The following SPTB variants were observed in gnomAD, a reference collection of about 807,000 sequenced individuals.
SPTB encodes spectrin beta chain, erythrocytic.
Under a neutral mutation model 256.2 loss-of-function variants are expected in SPTB, and 45 were observed. The observed-to-expected ratio is 0.18, with a 90% CI of 0.14 to 0.23. SPTB has a LOEUF of 0.23. SPTB is among the 10% of genes least tolerant of loss of function. The probability of loss-of-function intolerance (pLI) is 1.00; values close to 1 mark genes in which losing one functional copy is unlikely to be tolerated. For synonymous variants in SPTB, 1,231 were observed against 1,243.1 expected, an observed-to-expected ratio of 0.99 and a Z score of 0.21; for missense variants, 2,715 against 3,040.4, an observed-to-expected ratio of 0.89 and a Z score of 2.52.
At chr14:64,797,684 TTCAA>T (rs1182137203) in intron 10 of SPTB, 41 bp downstream of exon 10, 3 of 1,413,654 alleles carry the variant, frequency 2.1e-6, no homozygotes, top group African/African-American at 1.4e-5. Context: ...TTATCGGGAA[TTCAA>T]TCAATCTACT....
Position 64,784,286 on chromosome 14 carries a change from C to T in SPTB, c.3963G>A (p.Glu1321=), listed in dbSNP as rs1566755818. Residue 1321 remains glutamate, a synonymous_variant, in exon 19 of 36, where the codon GAG becomes GAA. Coordinates refer to ENST00000644917, the MANE Select transcript of SPTB (RefSeq NM_001355436.2). ...CTAGCCACCCTTCATGGGAAGCCAGCTCTGCCACAAACGCCTGGTGCTTTA... is the reference window on the plus strand; with the variant it reads ...CTAGCCACCCTTCATGGGAAGCCAGTTCTGCCACAAACGCCTGGTGCTTTA... ...KWLKHQAFVA[E]LASHEGWLEN... The T allele has an allele frequency of 1.2e-6, 2 of 1,614,120 alleles. No individual in the cohort carries two copies. The highest frequency in any genetic ancestry group is 1.7e-6 in the Non-Finnish European group (2 of 1,180,060).
At position 64,759,453 on chromosome 14, in the gene SPTB, G is replaced by A. The variant is rs2082062578; in HGVS notation, c.6346-5660C>T. 1.3e-5 allele frequency among the ~76,000 whole-genome samples: 2 copies of A among 152,204 alleles called. No homozygotes were observed. Among genetic ancestry groups the A allele is most frequent in the South Asian group, 4.1e-4 (2 of 4,826 alleles). ...GGCTAGCAGCATGGTTTGGCAGGAG[G>A]ACCCACCTCCCCTGAGCCTCAAGGC... On this transcript the variant is annotated intron_variant, in intron 32 of 35. Transcript: ENST00000644917. The surrounding 1 kb of genome is among the most constrained non-coding windows in gnomAD (Gnocchi z 4.8).
At position 64,749,178 on chromosome 14, in the gene SPTB, G is replaced by GC; in HGVS notation, c.*127dup. 8.5e-7 allele frequency: 1 copy of GC among 1,175,786 alleles called. No individual in the cohort carries two copies. Among genetic ancestry groups the GC allele is most frequent in the Non-Finnish European group, 1.2e-6 (1 of 842,222 alleles). The allele number at this position is 1,175,786 out of a possible 1,614,324, so 72.8% of individuals were successfully genotyped here. A position where few individuals can be genotyped will look rare whatever the true frequency, so the allele number is the denominator to read the frequency against. ...GGCAGCTTTTGCAGTGCAGCGTGGG[G>GC]CCCGGGGGCCCGGCCCGCGACTCGA... On this transcript the variant is annotated 3_prime_UTR_variant, in exon 36 of 36. Transcript: ENST00000644917. The surrounding 1 kb of genome is among the most constrained non-coding windows in gnomAD (Gnocchi z 4.7).
chr14:64,815,039 C>A (rs1009965709), intron 2 of SPTB, among the ~76,000 whole-genome samples: 1 of 105,194 alleles, frequency 9.5e-6, no homozygotes, highest in Non-Finnish European at 1.9e-5. Context: ...TGCATGTAAG[C>A]AGGTTTTGGG....
In SPTB at chr14:64,786,961, G is replaced by T. The variant is rs146911028; in HGVS notation, c.3004C>A (p.Arg1002Ser). The change falls in exon 16 of 36, where the codon CGT (arginine) becomes AGT (serine). Residue 1002 changes from arginine (R) to serine (S), a missense_variant. By Grantham distance (110) the Arg-to-Ser change is moderately radical. This residue lies in a region of SPTB where 2,239 missense variants were observed against 2,384.4 expected (regional missense o/e 0.94). Transcript: ENST00000644917. The surrounding 1 kb of genome is among the most constrained non-coding windows in gnomAD (Gnocchi z 5.6). ...CGGGCCTGGATGGCGGCCACGTCAC[G>T]CTCCAGCCCTGACAACTTCCTCTGG... ...AIQRKLSGLE[R>S]DVAAIQARVD... 2 of 1,613,800 alleles carry T rather than the reference G, an allele frequency of 1.2e-6. No individual in the cohort carries two copies. The highest frequency in any genetic ancestry group is 1.1e-5 in the South Asian group (1 of 91,084).
chr14:64,779,964 C>A lies in SPTB; in HGVS notation c.4267-33G>T, dbSNP rs938731541. The A allele has an allele frequency of 6.3e-7, 1 of 1,578,450 alleles. No individual in the cohort carries two copies. Among genetic ancestry groups the A allele is most frequent in the Non-Finnish European group, 8.7e-7 (1 of 1,148,086 alleles). ...ACAAGGGGACGGTGTCAGCACCAGC[C>A]TTGGCACCTGCACAGCCCCTCCATC... On this transcript the variant is annotated intron_variant, in intron 20 of 35. Transcript: ENST00000644917. This position sits in a 1 kb window ranked among gnomAD's most constrained non-coding sequence, Gnocchi z 4.2.
At position 64,775,314 on chromosome 14, in the gene SPTB, G is replaced by A; in HGVS notation, c.4653C>T (p.Asp1551=). ...GQQLVEAAEI[D]CQDLEERLGH... ...CCAGGCGCTCCTCAAGGTCCTGGCA[G>A]TCGATCTCCGCCGCCTCCACCAGCT... The change falls in exon 23 of 36, where the codon GAC becomes GAT. Residue 1551 remains aspartate (D), a synonymous_variant. Transcript: ENST00000644917. This position sits in a 1 kb window ranked among gnomAD's most constrained non-coding sequence, Gnocchi z 5.0. 6.2e-7 allele frequency: 1 copy of A among 1,613,164 alleles called. No homozygotes were observed. Among genetic ancestry groups the A allele is most frequent in the Non-Finnish European group, 8.5e-7 (1 of 1,179,682 alleles).
At chr14:64,856,291 C>G (rs4902322) in intron 1 of SPTB, among the ~76,000 whole-genome samples, 14,966 of 152,142 alleles carry the variant, frequency 0.098, 912 homozygotes, top group Non-Finnish European at 0.14. Context: ...GCCAAGAGTC[C>G]TTCCCAAACC....
Position 64,827,270 on chromosome 14 carries a change from G to C in SPTB, c.-51-4125C>G, listed in dbSNP as rs975363419. Among the ~76,000 whole-genome samples, 2 of 152,212 alleles carry C rather than the reference G, an allele frequency of 1.3e-5. No homozygotes were observed. The highest frequency in any genetic ancestry group is 4.8e-5 in the African/African-American group (2 of 41,444). ...CTCCTCTTCCCTGGGTCATACAAAA[G>C]TGAGAAGCAACAAAGCACAAAGATC... On this transcript the variant is annotated intron_variant, in intron 1 of 35. Transcript: ENST00000644917. The surrounding 1 kb of genome is among the most constrained non-coding windows in gnomAD (Gnocchi z 4.6).
chr14:64,750,067 G>A lies in SPTB; in HGVS notation c.6690C>T (p.Tyr2230=). The change falls in exon 34 of 36, where the codon TAC becomes TAT. Residue 2230 remains tyrosine, a synonymous_variant. Coordinates refer to ENST00000644917, the MANE Select transcript of SPTB (RefSeq NM_001355436.2). The part of the protein sequence containing the change: ...DAKNLALGMP[Y]HGEEPLALRH... ...TCAGGGCCAGGGGTTCCTCCCCATGGTAGGGCATCCCCAGGGCCAGGTTCT... is the reference window on the plus strand; with the variant it reads ...TCAGGGCCAGGGGTTCCTCCCCATGATAGGGCATCCCCAGGGCCAGGTTCT... 2 of 1,614,182 alleles carry A rather than the reference G, an allele frequency of 1.2e-6. No homozygotes were observed. The highest frequency in any genetic ancestry group is 1.7e-6 in the Non-Finnish European group (2 of 1,180,026).
chr14:64,879,385 A>G (rs1293642482), intron 1 of SPTB, among the ~76,000 whole-genome samples: 2 of 152,224 alleles, frequency 1.3e-5, no homozygotes, highest in Admixed American at 1.3e-4. Context: ...AAAAAAAGGC[A>G]GAGAGCAGCG....
intron 2 of SPTB, among the ~76,000 whole-genome samples, chr14:64,809,492 T>C (rs2083048901): frequency 6.6e-6 from 1 of 151,762 alleles, no homozygotes; most frequent in Admixed American, 6.6e-5. Flanking sequence ...ACTACAGGCG[T>C]GCACCACCAT....
chr14:64,811,063 T>C (rs2083079436), intron 2 of SPTB, among the ~76,000 whole-genome samples: 2 of 151,364 alleles, frequency 1.3e-5, no homozygotes, highest in South Asian at 4.2e-4. Context: ...TCGTGAGCTA[T>C]GATTGTGCCA....
At position 64,793,444 on chromosome 14, in the gene SPTB, T is replaced by C. The variant is rs1208086065; in HGVS notation, c.2219A>G (p.Gln740Arg). 6.2e-7 allele frequency: 1 copy of C among 1,614,046 alleles called. No homozygotes were observed. Among genetic ancestry groups the C allele is most frequent in the South Asian group, 1.1e-5 (1 of 91,082 alleles). Residue 740 changes from glutamine to arginine, a missense_variant, in exon 14 of 36, where the codon CAG becomes CGG. This residue lies in a region of SPTB where 2,239 missense variants were observed against 2,384.4 expected (regional missense o/e 0.94). Coordinates refer to ENST00000644917, the MANE Select transcript of SPTB (RefSeq NM_001355436.2). This position sits in a 1 kb window ranked among gnomAD's most constrained non-coding sequence, Gnocchi z 7.0. ...DLAAFCKKNL[Q>R]DAENFFQFQG... Reference sequence around the variant, plus strand: ...GAACTGGAAAAAGTTCTCAGCATCCTGGAGGTTCTTCTTGCAGAAGGCAGC... The same window carrying C: ...GAACTGGAAAAAGTTCTCAGCATCCCGGAGGTTCTTCTTGCAGAAGGCAGC...
chr14:64,800,893 C>T (rs755291932), intron 7 of SPTB, 25 bp from the exon 8 acceptor site: 3 of 1,570,400 alleles, frequency 1.9e-6, no homozygotes. Flanking sequence ...GGTGTACTCT[C>T]AGGACCAAAC....
Position 64,841,501 on chromosome 14 carries a change from G to C in SPTB, c.-51-18356C>G, listed in dbSNP as rs2083606765. Among the ~76,000 whole-genome samples the C allele has an allele frequency of 6.6e-6, 1 of 152,192 alleles. No individual in the cohort carries two copies. Among genetic ancestry groups the C allele is most frequent in the African/African-American group, 2.4e-5 (1 of 41,446 alleles). On this transcript the variant is annotated intron_variant, in intron 1 of 35. Coordinates refer to ENST00000644917, the MANE Select transcript of SPTB (RefSeq NM_001355436.2). The surrounding 1 kb of genome is among the most constrained non-coding windows in gnomAD (Gnocchi z 4.6). ...AAGATGATCTGCACTGGAGGCCCAG[G>C]AGGCTCTTCAGGGTCACAGCTAATC...
chr14:64,796,781 C>G lies in SPTB; in HGVS notation c.1183-66G>C. On this transcript the variant is annotated intron_variant, in intron 10 of 35. Transcript: ENST00000644917. The surrounding 1 kb of genome is among the most constrained non-coding windows in gnomAD (Gnocchi z 4.1). Reference sequence around the variant, plus strand: ...AAATGCCTCACTTTGGGGGCTCCACCCCTTTCACCCAACACTGAGTGATTT... The same window carrying G: ...AAATGCCTCACTTTGGGGGCTCCACGCCTTTCACCCAACACTGAGTGATTT... The G allele has an allele frequency of 5.6e-6, 9 of 1,595,438 alleles. No individual in the cohort carries two copies. Among genetic ancestry groups the G allele is most frequent in the Non-Finnish European group, 7.7e-6 (9 of 1,166,790 alleles).
At chr14:64,876,168 A>G (rs1174147577) in intron 1 of SPTB, among the ~76,000 whole-genome samples, 2 of 151,978 alleles carry the variant, frequency 1.3e-5, no homozygotes, top group Admixed American at 1.3e-4. Flanking sequence ...TTGAGACACA[A>G]TCTCACTTTA....
chr14:64,769,717 G>C lies in SPTB; in HGVS notation c.5810C>G (p.Ser1937Cys), dbSNP rs764560431. 28 of 1,614,078 alleles carry C rather than the reference G, an allele frequency of 1.7e-5. No individual in the cohort carries two copies. The East Asian group carries it at 5.3e-4, about 31-fold the overall frequency. Reference sequence around the variant, plus strand: ...GTGATACTTCATGAGCAGTTCCACAGAGGAGACATCCCTGGGGGACAGGAG... The same window carrying C: ...GTGATACTTCATGAGCAGTTCCACACAGGAGACATCCCTGGGGGACAGGAG... ...ETQERPRDVS[S>C]VELLMKYHQG... The change falls in exon 28 of 36, where the codon TCT (serine) becomes TGT (cysteine). Residue 1937 changes from serine to cysteine, a missense_variant. Ser to Cys is a moderately radical substitution (Grantham distance 112). Coordinates refer to ENST00000644917, the MANE Select transcript of SPTB (RefSeq NM_001355436.2).
Sources: gnomAD v4.1 joint callset for allele counts (sites outside exome capture counted in the v4.1 genomes callset) on GRCh38, gnomAD v4.1.1 for gene constraint, gnomAD v4.1.1 regional missense constraint, Gnocchi (gnomAD v3.1) non-coding constraint, MANE v1.5 for transcripts, NCBI Gene and HGNC (gene_info 2026-07-23, HGNC 2026-07-21) for gene names.